The following EHBP1 variants were observed in gnomAD, a reference collection of about 807,000 sequenced individuals.
The protein encoded by EHBP1 is EH domain binding protein 1, also known as EH domain-binding protein 1.
A neutral mutation model predicts 144.0 loss-of-function variants in EHBP1; 55 were observed. That is an observed-to-expected ratio of 0.38 (90% CI 0.31 to 0.48). EHBP1 has a LOEUF of 0.48. EHBP1 is among the 20% of genes least tolerant of loss of function. EHBP1 has a pLI of 0.98. For synonymous variants in EHBP1, 469 were observed against 472.7 expected (o/e 0.99, Z 0.10); for missense variants, 1,200 against 1,364.2 (o/e 0.88, Z 1.90).
chr2:62,768,822 A>G (rs1013382019), intron 4 of EHBP1, among the ~76,000 whole-genome samples: 1 of 152,240 alleles, frequency 6.6e-6, no homozygotes, highest in Non-Finnish European at 1.5e-5. Context: ...TACCACGATC[A>G]AGTCAGCTTA....
At chr2:63,026,395 A>G (rs2060985942) in intron 19 of EHBP1, among the ~76,000 whole-genome samples, 2 of 151,650 alleles carry the variant, frequency 1.3e-5, no homozygotes, top group African/African-American at 2.4e-5. Flanking sequence ...TAGCAATATC[A>G]TATTACTTAC....
At chr2:62,925,221 C>A (rs1472270997) in intron 10 of EHBP1, among the ~76,000 whole-genome samples, 3 of 151,850 alleles carry the variant, frequency 2.0e-5, no homozygotes, top group African/African-American at 7.3e-5. Flanking sequence ...ATATAAAGGC[C>A]ACATATGACA....
At chr2:62,925,257 T>G (rs369801734) in intron 10 of EHBP1, among the ~76,000 whole-genome samples, 34 of 152,136 alleles carry the variant, frequency 2.2e-4, no homozygotes, top group South Asian at 8.3e-4. Context: ...TCTTACTGAA[T>G]GAGGGTGAAA....
In EHBP1 at chr2:63,038,765, C is replaced by A. The variant is rs760062696; in HGVS notation, c.3226C>A (p.Arg1076=). 1 of 1,613,294 alleles carries A rather than the reference C, an allele frequency of 6.2e-7. No individual in the cohort carries two copies. Residue 1076 remains arginine (R), a synonymous_variant, in exon 21 of 23, where the codon CGA becomes AGA. Transcript: ENST00000431489. ...SLLEKEHDLE[R]RYELLNRELR... is the part of the protein sequence containing the mutation. ...CAGGGAAAAAGAACATGATTTAGAACGACGGTATGAGCTGCTGAACCGGGA... is the reference window on the plus strand; with the variant it reads ...CAGGGAAAAAGAACATGATTTAGAAAGACGGTATGAGCTGCTGAACCGGGA...
At chr2:62,943,874 A>G in intron 12 of EHBP1, 24 bp downstream of exon 12, 1 of 1,570,980 alleles carries the variant, frequency 6.4e-7, no homozygotes, top group Middle Eastern at 1.7e-4. Context: ...AGCAAGAAAA[A>G]TACGTAGTTT....
At chr2:62,827,939 G>A (rs972189571) in intron 6 of EHBP1, among the ~76,000 whole-genome samples, 1 of 152,146 alleles carries the variant, frequency 6.6e-6, no homozygotes, top group African/African-American at 2.4e-5. Context: ...AAAGTGCTGG[G>A]ATTACAGGTG....
intron 19 of EHBP1, among the ~76,000 whole-genome samples, chr2:63,035,233 T>C (rs1267643768): frequency 6.6e-6 from 1 of 152,112 alleles, no homozygotes; most frequent in African/African-American, 2.4e-5. Context: ...ATGTCCATCA[T>C]TGTATACTAT....
chr2:62,916,486 G>A (rs1285322458), intron 10 of EHBP1, among the ~76,000 whole-genome samples: 10 of 151,520 alleles, frequency 6.6e-5, no homozygotes, highest in Admixed American at 5.9e-4. Flanking sequence ...CCAGCTACTC[G>A]AGTGGATGAG....
upstream of EHBP1, among the ~76,000 whole-genome samples, chr2:62,705,008 AACAATAAGAAATTGTACTGT>A (rs1292878873): frequency 6.6e-6 from 1 of 152,198 alleles, no homozygotes; most frequent in East Asian, 1.9e-4. Context: ...GAAGACTCCG[AACAATAAGAAATTGTACTGT>A]ACACATTTTG....
intron 14 of EHBP1, among the ~76,000 whole-genome samples, chr2:62,964,587 C>G (rs1275783850): frequency 1.3e-5 from 2 of 152,112 alleles, no homozygotes; most frequent in African/African-American, 4.8e-5. Context: ...ATTTACAGTT[C>G]CTATTGGTGG....
At chr2:62,824,650 AT>A (rs1386924699) in intron 5 of EHBP1, among the ~76,000 whole-genome samples, 2 of 151,976 alleles carry the variant, frequency 1.3e-5, no homozygotes, top group African/African-American at 2.4e-5. Flanking sequence ...CATTTTTGAA[AT>A]TCATTCATAA....
chr2:63,001,892 A>G (rs1349698323), intron 19 of EHBP1, among the ~76,000 whole-genome samples: 2 of 152,178 alleles, frequency 1.3e-5, no homozygotes, highest in Non-Finnish European at 2.9e-5. Flanking sequence ...GGACACTGTC[A>G]TTACCATTTT....
intron 10 of EHBP1, among the ~76,000 whole-genome samples, chr2:62,922,585 T>G (rs2153010460): frequency 6.6e-6 from 1 of 152,314 alleles, no homozygotes; most frequent in African/African-American, 2.4e-5. Flanking sequence ...ATAGGGAAGA[T>G]GCAGGAATGA....
At chr2:62,961,858 A>C (rs2058017872) in intron 14 of EHBP1, among the ~76,000 whole-genome samples, 1 of 151,992 alleles carries the variant, frequency 6.6e-6, no homozygotes, top group Non-Finnish European at 1.5e-5. Flanking sequence ...GGTGAAACCC[A>C]TCTCTGCTAA....
At chr2:62,848,904 G>A (rs976165798) in intron 7 of EHBP1, among the ~76,000 whole-genome samples, 1 of 152,122 alleles carries the variant, frequency 6.6e-6, no homozygotes, top group Admixed American at 6.5e-5. Context: ...ATGTGTATGT[G>A]TAAGTAAAAT....
chr2:62,972,445 C>A (rs2058541638), intron 14 of EHBP1, among the ~76,000 whole-genome samples: 1 of 151,938 alleles, frequency 6.6e-6, no homozygotes, highest in African/African-American at 2.4e-5. Context: ...TTTAATGGAG[C>A]CTACATATAA....
At chr2:62,798,948 G>A (rs2152482788) in intron 5 of EHBP1, among the ~76,000 whole-genome samples, 1 of 143,734 alleles carries the variant, frequency 7.0e-6, no homozygotes, top group East Asian at 2.1e-4. Flanking sequence ...AGCTTGCAGT[G>A]AGCCGAGATC....
intron 5 of EHBP1, among the ~76,000 whole-genome samples, chr2:62,793,155 T>C (rs1409774163): frequency 6.6e-6 from 1 of 152,128 alleles, no homozygotes; most frequent in Non-Finnish European, 1.5e-5. Flanking sequence ...TTCATTAATG[T>C]TATTACATTT....
At chr2:62,863,903 G>T (rs1215076623) in intron 8 of EHBP1, among the ~76,000 whole-genome samples, 1 of 114,210 alleles carries the variant, frequency 8.8e-6, no homozygotes. Context: ...CTATAGTTCA[G>T]TGGCGCAGTC....
Sources: gnomAD v4.1 joint callset for allele counts (sites outside exome capture counted in the v4.1 genomes callset) on GRCh38, gnomAD v4.1.1 for gene constraint, MANE v1.5 for transcripts, NCBI Gene and HGNC (gene_info 2026-07-23, HGNC 2026-07-21) for gene names.